Variants in SRRM1 observed in about 807,000 individuals in gnomAD.
SRRM1 encodes the protein serine/arginine repetitive matrix protein 1.
In SRRM1, 19 loss-of-function variants were observed where a neutral mutation model predicts 110.2. The observed-to-expected ratio is 0.17, with a 90% CI of 0.12 to 0.25. The LOEUF (loss-of-function observed/expected upper bound fraction) is 0.25. Among genes scored for constraint, SRRM1 ranks in the 10% least tolerant of loss-of-function variants. The pLI is 1.00. For missense variants in SRRM1, 918 were observed against 1,145.8 expected, an observed-to-expected ratio of 0.80 and a Z score of 2.87; for synonymous variants, 443 against 414.9, an observed-to-expected ratio of 1.07 and a Z score of -0.82.
chr1:24,652,417 A>G lies in SRRM1; in HGVS notation c.726-17A>G. 3 of 1,478,020 alleles carry G rather than the reference A, an allele frequency of 2.0e-6. No homozygotes were observed. The highest frequency in any genetic ancestry group is 2.7e-6 in the Non-Finnish European group (3 of 1,102,980). 91.6% of individuals were successfully genotyped at this position (1,478,020 alleles called of 1,614,324 possible). ...ACAAGAAGGCAAAAAAAAAAAAAAA[A>G]GCTTTTGTTTCCACAGTGACATTCT... On this transcript the variant is annotated splice_polypyrimidine_tract_variant and intron_variant, in intron 6 of 16. Transcript: ENST00000323848.
chr1:24,671,681 T>A (rs1672799452), intron 16 of SRRM1, 86 bp downstream of exon 16: 2 of 1,233,884 alleles, frequency 1.6e-6, no homozygotes, highest in Admixed American at 5.0e-5. Context: ...CAAAATTGTT[T>A]TTTCTACTAA....
chr1:24,661,078 T>G (rs1298353846), intron 10 of SRRM1: 1 of 529,150 alleles, frequency 1.9e-6, no homozygotes, highest in Non-Finnish European at 3.4e-6. Flanking sequence ...TGTAAAATGC[T>G]TGGCACCAGC....
chr1:24,652,622 G>T lies in SRRM1; in HGVS notation c.914G>T (p.Arg305Leu), dbSNP rs757267751. 6.3e-7 allele frequency: 1 copy of T among 1,599,354 alleles called. No homozygotes were observed. The highest frequency in any genetic ancestry group is 1.1e-5 in the South Asian group (1 of 87,844). ...CGACCTAGACGGCGCCATAGATCCC[G>T]ATCAAGGTGAGTTGTGGCTTTAAGA... ...HTRPRRRHRS[R>L]SRSYSPRRRP... The change falls in exon 7 of 17, where the codon CGA becomes CTA. Residue 305 changes from arginine (R) to leucine (L), a missense_variant. Coordinates refer to ENST00000323848, the MANE Select transcript of SRRM1 (RefSeq NM_005839.4).
intron 16 of SRRM1, among the ~76,000 whole-genome samples, chr1:24,671,912 TTTG>T (rs1185534484): frequency 6.6e-6 from 1 of 151,864 alleles, no homozygotes; most frequent in African/African-American, 2.4e-5. Context: ...TTTTTTTTTG[TTTG>T]TTTTTTAATT....
intron 8 of SRRM1, among the ~76,000 whole-genome samples, chr1:24,653,766 T>C (rs1164388043): frequency 6.6e-6 from 1 of 152,218 alleles, no homozygotes; most frequent in Non-Finnish European, 1.5e-5. Context: ...TTTTTGTGCC[T>C]TCTTGCAATA....
intron 11 of SRRM1, among the ~76,000 whole-genome samples, chr1:24,662,046 C>A (rs559848159): frequency 6.6e-6 from 1 of 152,118 alleles, no homozygotes; most frequent in African/African-American, 2.4e-5. Context: ...GCTGAGATCG[C>A]GCCACTGCAC....
intron 2 of SRRM1, 67 bp from the exon 3 acceptor site, chr1:24,646,600 A>C (rs1657796837): frequency 1.4e-6 from 2 of 1,395,686 alleles, no homozygotes; most frequent in Non-Finnish European, 1.9e-6. Context: ...TGGTAGACAG[A>C]ACTCTAACTT....
chr1:24,664,818 AAAC>A (rs2148660333), intron 12 of SRRM1, among the ~76,000 whole-genome samples: 1 of 152,334 alleles, frequency 6.6e-6, no homozygotes, highest in African/African-American at 2.4e-5. Context: ...CACAGCAACT[AAAC>A]AATTGCTTTA....
chr1:24,646,615 A>AT (rs370712197), intron 2 of SRRM1, 52 bp from the exon 3 acceptor site: 31,692 of 1,448,780 alleles, frequency 0.022, 260 homozygotes, highest in Non-Finnish European at 0.025. Flanking sequence ...TAACTTGAGC[A>AT]TTTTTTTTTA....
chr1:24,654,400 C>G lies in SRRM1; in HGVS notation c.1041-455C>G, dbSNP rs1662803292. 4.8e-6 allele frequency: 6 copies of G among 1,239,510 alleles called. No homozygotes were observed. In the Middle Eastern group the frequency reaches 8.6e-4, roughly 178 times the overall value. 76.8% of individuals were successfully genotyped at this position (1,239,510 alleles called of 1,614,324 possible). On this transcript the variant is annotated intron_variant, in intron 8 of 16. Transcript: ENST00000323848. The stretch of plus-strand genomic sequence containing the variant: ...ATTTTGCCGCAGAATTCGAGAGGCC[C>G]CTGCTTCTAAGTTTATGTAGCTAAA...
chr1:24,670,402 A>G, intron 15 of SRRM1, 87 bp downstream of exon 15: 1 of 1,348,304 alleles, frequency 7.4e-7, no homozygotes, highest in Non-Finnish European at 1.0e-6. Flanking sequence ...GGGCATTAAA[A>G]TATTGGTGTT....
At chr1:24,654,351 T>C (rs1448619949) in intron 8 of SRRM1, 2 of 1,289,694 alleles carry the variant, frequency 1.6e-6, no homozygotes, top group Non-Finnish European at 1.0e-6. Context: ...CAGGTACACA[T>C]AATTGCAACA....
intron 3 of SRRM1, chr1:24,647,102 T>C: frequency 4.5e-6 from 1 of 221,266 alleles, no homozygotes; most frequent in East Asian, 1.4e-4. Flanking sequence ...TGGAAGTTAT[T>C]CCTTGCGTCT....
chr1:24,648,749 C>T (rs1354142018), intron 3 of SRRM1, 110 bp from the exon 4 acceptor site: 1 of 902,378 alleles, frequency 1.1e-6, no homozygotes, highest in Admixed American at 2.6e-5. Flanking sequence ...TGTCTAAGCC[C>T]CTATGGTAGA....
In SRRM1 at chr1:24,672,293, A is replaced by G. The variant is rs780226852; in HGVS notation, c.*7A>G. ...AGTGTCCCCACAGTCTTAGGGGGAAATGTTTGTTATGATGTAAATTTTATT... is the reference window on the plus strand; with the variant it reads ...AGTGTCCCCACAGTCTTAGGGGGAAGTGTTTGTTATGATGTAAATTTTATT... On this transcript the variant is annotated 3_prime_UTR_variant, in exon 17 of 17. Coordinates refer to ENST00000323848, the MANE Select transcript of SRRM1 (RefSeq NM_005839.4). 3.8e-6 allele frequency: 6 copies of G among 1,570,190 alleles called. No individual in the cohort carries two copies. The highest frequency in any genetic ancestry group is 5.2e-6 in the Non-Finnish European group (6 of 1,151,618).
chr1:24,666,637 T>C, intron 12 of SRRM1, 178 bp from the exon 13 acceptor site: 1 of 521,206 alleles, frequency 1.9e-6, no homozygotes, highest in Non-Finnish European at 3.5e-6. Context: ...TGATTATGGG[T>C]GCCTGTAATC....
chr1:24,646,799 T>A lies in SRRM1; in HGVS notation c.234+10T>A. 6.4e-7 allele frequency: 1 copy of A among 1,566,514 alleles called. No individual in the cohort carries two copies. The highest frequency in any genetic ancestry group is 8.6e-7 in the Non-Finnish European group (1 of 1,163,376). On this transcript the variant is annotated intron_variant, in intron 3 of 16. Coordinates refer to ENST00000323848, the MANE Select transcript of SRRM1 (RefSeq NM_005839.4). Reference sequence around the variant, plus strand: ...CCAGCTGGAAGTGAAGGTACTAATATACAAATGGCTCTTGTTTCTGAATAT... The same window carrying A: ...CCAGCTGGAAGTGAAGGTACTAATAAACAAATGGCTCTTGTTTCTGAATAT...
In SRRM1 at chr1:24,669,236, C is replaced by T; in HGVS notation, c.1853C>T (p.Pro618Leu). ...CCAAAGAGAAGAACGGCTTCACCTC[C>T]TCCCCCTCCTAAACGAAGAGCATCA... The part of the protein sequence containing the change: ...PPPKRRTASP[P>L]PPPKRRASPS... The change falls in exon 14 of 17, where the codon CCT (proline) becomes CTT (leucine). Residue 618 changes from proline to leucine, a missense_variant. Coordinates refer to ENST00000323848, the MANE Select transcript of SRRM1 (RefSeq NM_005839.4). 6.2e-7 allele frequency: 1 copy of T among 1,614,156 alleles called. No individual in the cohort carries two copies. The highest frequency in any genetic ancestry group is 8.5e-7 in the Non-Finnish European group (1 of 1,180,040).
intron 3 of SRRM1, 144 bp downstream of exon 3, chr1:24,646,933 T>C: frequency 1.6e-6 from 1 of 634,316 alleles, no homozygotes; most frequent in Non-Finnish European, 2.5e-6. Context: ...TGTAAACAAC[T>C]ATTAAGGCTG....
Sources: gnomAD v4.1 joint callset for allele counts (sites outside exome capture counted in the v4.1 genomes callset) on GRCh38, gnomAD v4.1.1 for gene constraint, MANE v1.5 for transcripts, NCBI Gene and HGNC (gene_info 2026-07-23, HGNC 2026-07-21) for gene names.